Variants in NKAIN3 observed in about 807,000 individuals in gnomAD.
NKAIN3 encodes the protein sodium/potassium-transporting ATPase subunit beta-1-interacting protein 3.
Under a neutral mutation model 30.2 loss-of-function variants are expected in NKAIN3, and 25 were observed. That is an observed-to-expected ratio of 0.83 (90% CI 0.60 to 1.16). The LOEUF (loss-of-function observed/expected upper bound fraction) is 1.16, where lower values mean the gene tolerates loss of function less well. Among genes scored for constraint, NKAIN3 ranks in the 50% most tolerant of loss-of-function variants. The pLI is 0.00. For synonymous variants in NKAIN3, 91 were observed against 89.6 expected (o/e 1.02, Z -0.09); for missense variants, 225 against 254.1 (o/e 0.89, Z 0.78).
At chr8:62,719,499 C>T (rs1815014589) in intron 3 of NKAIN3, among the ~76,000 whole-genome samples, 2 of 152,148 alleles carry the variant, frequency 1.3e-5, no homozygotes, top group African/African-American at 4.8e-5. Context: ...CTAGCCTCAA[C>T]ATTTTAACCC....
At chr8:62,894,054 C>A (rs1448363541) in intron 4 of NKAIN3, among the ~76,000 whole-genome samples, 1 of 152,174 alleles carries the variant, frequency 6.6e-6, no homozygotes, top group Non-Finnish European at 1.5e-5. Flanking sequence ...CAAGACCCAA[C>A]AAACAATGAC....
rs539373844 is a variant in NKAIN3, at chr8:62,431,906, C to T, written c.55-147633C>T. On this transcript the variant is annotated intron_variant, in intron 1 of 6. Coordinates refer to ENST00000623646, the MANE Select transcript of NKAIN3 (RefSeq NM_001304533.3). ...GCTTTTTCTAAGAACTGTTTTCACCCAATTAAACTATAACTGATTTGTGGT... is the reference window on the plus strand; with the variant it reads ...GCTTTTTCTAAGAACTGTTTTCACCTAATTAAACTATAACTGATTTGTGGT... Among the ~76,000 whole-genome samples, 5 of 127,816 alleles carry T rather than the reference C, an allele frequency of 3.9e-5. No homozygotes were observed. The East Asian group carries it at 1.1e-3, about 28-fold the overall frequency. 83.9% of individuals were successfully genotyped at this position (127,816 alleles called of 152,430 possible). A position where few individuals can be genotyped will look rare whatever the true frequency, so the allele number is the denominator to read the frequency against.
chr8:62,783,117 T>C (rs1015584470), intron 4 of NKAIN3, among the ~76,000 whole-genome samples: 118 of 152,210 alleles, frequency 7.8e-4, no homozygotes, highest in African/African-American at 2.8e-3. Context: ...TTTACAGACA[T>C]GCACAAAAAT....
At position 62,484,246 on chromosome 8, in the gene NKAIN3, C is replaced by G. The variant is rs373342112; in HGVS notation, c.55-95293C>G. ...GCTCTTAGCAGACTCTAGGCTCTTT[C>G]TATGTCTGTTTCACCCCAGTATTTC... On this transcript the variant is annotated intron_variant, in intron 1 of 6. Transcript: ENST00000623646. Among the ~76,000 whole-genome samples the G allele has an allele frequency of 6.6e-5, 10 of 152,306 alleles. No homozygotes were observed. The East Asian group carries it at 1.7e-3, about 26-fold the overall frequency.
intron 1 of NKAIN3, among the ~76,000 whole-genome samples, chr8:62,472,733 A>G (rs1365917027): frequency 6.6e-6 from 1 of 152,240 alleles, no homozygotes; most frequent in Non-Finnish European, 1.5e-5. Context: ...AAGAAGGAAC[A>G]TATTAGATTA....
intron 3 of NKAIN3, among the ~76,000 whole-genome samples, chr8:62,595,807 G>A (rs188976756): frequency 1.7e-3 from 256 of 152,046 alleles, no homozygotes; most frequent in African/African-American, 5.8e-3. Context: ...GGGTGCCTTC[G>A]ATGTCATTAA....
At chr8:62,292,360 G>T (rs981509039) in intron 1 of NKAIN3, among the ~76,000 whole-genome samples, 24 of 152,122 alleles carry the variant, frequency 1.6e-4, no homozygotes, top group African/African-American at 5.6e-4. Flanking sequence ...GCATGTTTTT[G>T]CAGTGGCTGG....
chr8:62,274,629 T>A (rs1236180258), intron 1 of NKAIN3, among the ~76,000 whole-genome samples: 1 of 152,136 alleles, frequency 6.6e-6, no homozygotes, highest in Non-Finnish European at 1.5e-5. Context: ...AGTTTTAGGG[T>A]ACATGTGCAC....
intron 4 of NKAIN3, among the ~76,000 whole-genome samples, chr8:62,903,781 T>C (rs556960624): frequency 3.9e-5 from 6 of 152,232 alleles, no homozygotes; most frequent in Admixed American, 3.9e-4. Context: ...TCAGGAAACT[T>C]ACAATCATGG....
intron 1 of NKAIN3, among the ~76,000 whole-genome samples, chr8:62,358,135 G>T (rs574937581): frequency 6.6e-6 from 1 of 152,050 alleles, no homozygotes; most frequent in East Asian, 1.9e-4. Context: ...TCATATCTCA[G>T]GCATGCATAT....
At chr8:62,427,688 TC>T (rs1166315175) in intron 1 of NKAIN3, among the ~76,000 whole-genome samples, 1 of 151,970 alleles carries the variant, frequency 6.6e-6, no homozygotes. Context: ...TTTTTATAAT[TC>T]TTAAATTTGT....
chr8:62,934,341 G>T (rs1822717895), intron 5 of NKAIN3, among the ~76,000 whole-genome samples: 1 of 151,562 alleles, frequency 6.6e-6, no homozygotes, highest in Non-Finnish European at 1.5e-5. Flanking sequence ...TGATGCCACT[G>T]CAGTCCAGCC....
At chr8:62,934,139 G>A (rs1339703465) in intron 5 of NKAIN3, among the ~76,000 whole-genome samples, 1 of 152,144 alleles carries the variant, frequency 6.6e-6, no homozygotes, top group East Asian at 1.9e-4. Context: ...AATCCCAGCA[G>A]TTTGGGAAGC....
intron 1 of NKAIN3, among the ~76,000 whole-genome samples, chr8:62,527,967 T>C (rs1462525591): frequency 7.0e-6 from 1 of 143,316 alleles, no homozygotes; most frequent in African/African-American, 2.6e-5. Context: ...GAAAGAGAGA[T>C]AGAGATTTTG....
chr8:62,990,363 G>A, intron 5 of NKAIN3: 1 of 1,288,396 alleles, frequency 7.8e-7, no homozygotes, highest in Non-Finnish European at 9.9e-7. Context: ...AATCTTTCTA[G>A]TGCAGTCTAA....
chr8:62,407,302 C>T (rs901067755), intron 1 of NKAIN3, among the ~76,000 whole-genome samples: 1 of 149,358 alleles, frequency 6.7e-6, no homozygotes, highest in Non-Finnish European at 1.5e-5. Context: ...TATATATATA[C>T]TTGCATGCTT....
chr8:62,922,580 G>C (rs886714921), intron 5 of NKAIN3, among the ~76,000 whole-genome samples: 5 of 152,142 alleles, frequency 3.3e-5, no homozygotes, highest in African/African-American at 1.2e-4. Context: ...CCCTAGCAAT[G>C]TATGAACATT....
intron 3 of NKAIN3, among the ~76,000 whole-genome samples, chr8:62,598,152 C>T (rs960295080): frequency 6.6e-6 from 1 of 152,050 alleles, no homozygotes; most frequent in Non-Finnish European, 1.5e-5. Context: ...ATAAGGCATG[C>T]AGACACCGGA....
chr8:62,515,063 T>A (rs1807942396), intron 1 of NKAIN3, among the ~76,000 whole-genome samples: 1 of 152,138 alleles, frequency 6.6e-6, no homozygotes, highest in African/African-American at 2.4e-5. Context: ...TTCCAAAGGC[T>A]CTACCATCAT....
Sources: allele counts gnomAD v4.1 joint callset (sites outside exome capture counted in the v4.1 genomes callset), GRCh38; gene constraint gnomAD v4.1.1; transcripts MANE v1.5; gene names NCBI Gene and HGNC (gene_info 2026-07-23, HGNC 2026-07-21).